Variants in SCN2A observed in about 807,000 individuals in gnomAD.
SCN2A encodes sodium channel protein type 2 subunit alpha.
A neutral mutation model predicts 188.7 loss-of-function variants in SCN2A; 20 were observed. That is an observed-to-expected ratio of 0.11 (90% CI 0.07 to 0.15). The LOEUF (loss-of-function observed/expected upper bound fraction) is 0.15, where lower values mean the gene tolerates loss of function less well. Among genes scored for constraint, SCN2A ranks in the 10% least tolerant of loss-of-function variants. SCN2A has a pLI of 1.00. For missense variants in SCN2A, 1,278 were observed against 2,445.0 expected, an observed-to-expected ratio of 0.52 and a Z score of 10.07; for synonymous variants, 804 against 833.1, an observed-to-expected ratio of 0.97 and a Z score of 0.60.
chr2:165,252,532 A>G (rs1694140205), intron 1 of SCN2A, among the ~76,000 whole-genome samples: 1 of 152,096 alleles, frequency 6.6e-6, no homozygotes, highest in Admixed American at 6.6e-5. Flanking sequence ...TTTTTATTTA[A>G]AAAAGAGCAT....
chr2:165,302,194 CTTTT>C (rs1230740461), intron 3 of SCN2A, among the ~76,000 whole-genome samples: 1 of 152,136 alleles, frequency 6.6e-6, no homozygotes, highest in Non-Finnish European at 1.5e-5. Context: ...ATTTCTCTTT[CTTTT>C]GTTTTCAATG....
At chr2:165,330,480 A>T (rs937690139) in intron 13 of SCN2A, among the ~76,000 whole-genome samples, 1 of 152,030 alleles carries the variant, frequency 6.6e-6, no homozygotes, top group Non-Finnish European at 1.5e-5. Flanking sequence ...TTCTCTCCCA[A>T]TGTTTGGTTG....
intron 14 of SCN2A, among the ~76,000 whole-genome samples, chr2:165,334,927 A>C (rs1276902284): frequency 6.6e-6 from 1 of 151,716 alleles, no homozygotes; most frequent in African/African-American, 2.4e-5. Flanking sequence ...AGAATACAAG[A>C]TCAATATACA....
chr2:165,279,989 T>C (rs992390470), intron 1 of SCN2A, among the ~76,000 whole-genome samples: 1 of 152,192 alleles, frequency 6.6e-6, no homozygotes, highest in Admixed American at 6.5e-5. Flanking sequence ...TCACGAAATA[T>C]GTGACTTGCT....
At chr2:165,268,201 C>T (rs992514944) in intron 1 of SCN2A, 6 of 151,860 alleles carry the variant, frequency 4.0e-5, no homozygotes, top group Non-Finnish European at 7.4e-5. Context: ...GTCAGTATCA[C>T]CCAAATACCA....
At position 165,391,178 on chromosome 2, in the gene SCN2A, A is replaced by C. The variant is rs1295068281; in HGVS notation, c.*1354A>C. ...CCATATATCAGTGGTAAAGTGAAGC[A>C]AATTGTTCTACCAAGACCTCATTCT... On this transcript the variant is annotated 3_prime_UTR_variant, in exon 27 of 27. Transcript: ENST00000375437. 1 of 152,544 alleles carries C rather than the reference A, an allele frequency of 6.6e-6. No homozygotes were observed. The highest frequency in any genetic ancestry group is 1.5e-5 in the Non-Finnish European group (1 of 67,984). 9.4% of individuals were successfully genotyped at this position (152,544 alleles called of 1,614,324 possible).
At chr2:165,369,781 G>T (rs952428736) in intron 19 of SCN2A, among the ~76,000 whole-genome samples, 1 of 152,094 alleles carries the variant, frequency 6.6e-6, no homozygotes, top group South Asian at 2.1e-4. Context: ...ATTACTAGAG[G>T]ATGCATTCCA....
intron 3 of SCN2A, among the ~76,000 whole-genome samples, chr2:165,298,574 T>C (rs1279734422): frequency 6.6e-6 from 1 of 152,236 alleles, no homozygotes; most frequent in Non-Finnish European, 1.5e-5. Flanking sequence ...TAATGTTTTC[T>C]TACCTCTCTC....
chr2:165,248,264 G>A (rs1396071478), intron 1 of SCN2A, among the ~76,000 whole-genome samples: 1 of 152,098 alleles, frequency 6.6e-6, no homozygotes, highest in Non-Finnish European at 1.5e-5. Context: ...CAGGGTAAAA[G>A]GCACCTGACA....
intron 20 of SCN2A, chr2:165,372,972 G>T: frequency 2.8e-6 from 1 of 358,274 alleles, no homozygotes. Flanking sequence ...CACATATATG[G>T]GCTTCTTTTT....
chr2:165,339,228 CAAA>C (rs5836027), intron 14 of SCN2A, among the ~76,000 whole-genome samples: 4 of 138,688 alleles, frequency 2.9e-5, no homozygotes, highest in Non-Finnish European at 4.7e-5. Flanking sequence ...AACTCTGTCT[CAAA>C]AAAAAAAAAA....
chr2:165,286,784 A>G (rs1309858006), intron 1 of SCN2A, among the ~76,000 whole-genome samples: 5 of 152,024 alleles, frequency 3.3e-5, no homozygotes. Flanking sequence ...TTCATTGAGG[A>G]TTTCTCTGGA....
chr2:165,362,475 T>G (rs1277346794), intron 17 of SCN2A, among the ~76,000 whole-genome samples: 1 of 152,086 alleles, frequency 6.6e-6, no homozygotes, highest in Non-Finnish European at 1.5e-5. Flanking sequence ...TGTTTGATAT[T>G]CTCTGATTTT....
chr2:165,283,074 G>A (rs1481630023), intron 1 of SCN2A, among the ~76,000 whole-genome samples: 2 of 152,108 alleles, frequency 1.3e-5, no homozygotes, highest in African/African-American at 2.4e-5. Flanking sequence ...GTATTTCCTA[G>A]CGGTAGAAAT....
Position 165,342,378 on chromosome 2 carries a change from A to G in SCN2A, c.2471A>G (p.Asn824Ser). 6.2e-7 allele frequency: 1 copy of G among 1,613,992 alleles called. No individual in the cohort carries two copies. Among genetic ancestry groups the G allele is most frequent in the Non-Finnish European group, 8.5e-7 (1 of 1,179,892 alleles). The change falls in exon 15 of 27, where the codon AAT (asparagine) becomes AGT (serine). Residue 824 changes from asparagine (N) to serine (S), a missense_variant. By Grantham distance (46) the Asn-to-Ser change is conservative. This residue lies in a region of SCN2A where 83 missense variants were observed against 256.8 expected (regional missense o/e 0.32). Transcript: ENST00000375437. ...TATTATTACTTTCAAGAAGGCTGGA[A>G]TATTTTTGATGGTTTTATTGTGAGC... ...DPYYYFQEGWNIFDGFIVSLS... is the reference protein window; with the variant it reads ...DPYYYFQEGWSIFDGFIVSLS...
intron 1 of SCN2A, chr2:165,290,823 T>C: frequency 2.9e-5 from 28 of 976,984 alleles, no homozygotes; most frequent in Non-Finnish European, 3.4e-5. Flanking sequence ...TGGAAGTTGG[T>C]ACACATGGAA....
intron 25 of SCN2A, 48 bp downstream of exon 25, chr2:165,381,245 C>A (rs151253466): frequency 8.4e-6 from 11 of 1,307,624 alleles, no homozygotes; most frequent in Non-Finnish European, 1.2e-5. Flanking sequence ...ATTACCTAAC[C>A]GTTTCACAGC....
At chr2:165,359,803 C>T (rs1046869357) in intron 17 of SCN2A, among the ~76,000 whole-genome samples, 3 of 151,916 alleles carry the variant, frequency 2.0e-5, no homozygotes, top group Non-Finnish European at 4.4e-5. Flanking sequence ...ATGGGCCAAA[C>T]ACGTGTCTTT....
chr2:165,312,192 C>T, intron 8 of SCN2A, 104 bp downstream of exon 8: 1 of 832,830 alleles, frequency 1.2e-6, no homozygotes, highest in Non-Finnish European at 2.0e-6. Flanking sequence ...ACTCAAAACC[C>T]TCCATAAATT....
Sources: gnomAD v4.1 joint callset for allele counts (sites outside exome capture counted in the v4.1 genomes callset) on GRCh38, gnomAD v4.1.1 for gene constraint, gnomAD v4.1.1 regional missense constraint, MANE v1.5 for transcripts, NCBI Gene and HGNC (gene_info 2026-07-23, HGNC 2026-07-21) for gene names.